ZMIZ1: variants seen among roughly 807,000 people sequenced by gnomAD.
The protein encoded by ZMIZ1 is zinc finger MIZ-type containing 1.
Under a neutral mutation model 113.9 loss-of-function variants are expected in ZMIZ1, and 17 were observed. The ratio of observed to expected loss-of-function variants is 0.15; its 90% confidence interval spans 0.10 to 0.22. The LOEUF is 0.22. Among genes scored for constraint, ZMIZ1 ranks in the 10% least tolerant of loss-of-function variants. The pLI is 1.00. For missense variants in ZMIZ1, 1,059 were observed against 1,477.8 expected, an observed-to-expected ratio of 0.72 and a Z score of 4.65; for synonymous variants, 607 against 603.1, an observed-to-expected ratio of 1.01 and a Z score of -0.09.
intron 7 of ZMIZ1, among the ~76,000 whole-genome samples, chr10:79,242,849 C>T (rs1018555974): frequency 2.0e-5 from 3 of 152,066 alleles, no homozygotes; most frequent in Non-Finnish European, 2.9e-5. Context: ...TGCGTTCGCT[C>T]GGCAGCGGCG....
chr10:79,075,663 C>T (rs1362434383), intron 1 of ZMIZ1, among the ~76,000 whole-genome samples: 1 of 152,182 alleles, frequency 6.6e-6, no homozygotes, highest in Non-Finnish European at 1.5e-5. Context: ...AGGGCTTCTG[C>T]CAGGACTCCG....
chr10:79,145,344 T>TGCCCGCGCGTCAGA (rs11268036), intron 3 of ZMIZ1, among the ~76,000 whole-genome samples: 1 of 151,760 alleles, frequency 6.6e-6, no homozygotes, highest in Non-Finnish European at 1.5e-5. Flanking sequence ...CATTCCGGAG[T>TGCCCGCGCGTCAGA]GCCTGCGAGG....
At chr10:79,085,419 C>T (rs1842780744) in intron 1 of ZMIZ1, among the ~76,000 whole-genome samples, 1 of 152,210 alleles carries the variant, frequency 6.6e-6, no homozygotes, top group African/African-American at 2.4e-5. Flanking sequence ...TGCCATTGGG[C>T]AGAGTGGGCA....
chr10:79,205,132 T>C (rs1025133988), intron 5 of ZMIZ1, among the ~76,000 whole-genome samples: 19 of 152,338 alleles, frequency 1.2e-4, no homozygotes, highest in Non-Finnish European at 1.5e-5. Context: ...TCAATGGCAT[T>C]GGATATAGCC....
chr10:79,178,906 A>C (rs1194863955), intron 4 of ZMIZ1, among the ~76,000 whole-genome samples: 1 of 152,140 alleles, frequency 6.6e-6, no homozygotes, highest in Non-Finnish European at 1.5e-5. Flanking sequence ...TGCTCTCCCA[A>C]GCCAGGGCCG....
intron 18 of ZMIZ1, among the ~76,000 whole-genome samples, chr10:79,303,520 A>G (rs1419569925): frequency 7.7e-6 from 1 of 129,882 alleles, no homozygotes; most frequent in Non-Finnish European, 1.7e-5. Context: ...TTTGAAGGAG[A>G]CTCCGGGTGT....
chr10:79,196,089 AG>A (rs1465226953), intron 4 of ZMIZ1, among the ~76,000 whole-genome samples: 1 of 152,104 alleles, frequency 6.6e-6, no homozygotes, highest in African/African-American at 2.4e-5. Context: ...CTTTTACTCC[AG>A]AGACTGGAGC....
chr10:79,090,538 T>C (rs1301027486), intron 1 of ZMIZ1, among the ~76,000 whole-genome samples: 1 of 152,030 alleles, frequency 6.6e-6, no homozygotes, highest in Non-Finnish European at 1.5e-5. Flanking sequence ...TGGGATCCCG[T>C]TTATTTATTT....
chr10:79,148,938 G>A (rs981336552), intron 3 of ZMIZ1, among the ~76,000 whole-genome samples: 7 of 152,230 alleles, frequency 4.6e-5, no homozygotes, highest in African/African-American at 1.7e-4. Flanking sequence ...CCCCGCCAGG[G>A]CCTGTTTGAT....
chr10:79,251,232 C>G (rs1850538588), intron 7 of ZMIZ1, among the ~76,000 whole-genome samples: 2 of 152,240 alleles, frequency 1.3e-5, no homozygotes, highest in South Asian at 4.1e-4. Context: ...TCTCCACACA[C>G]CGGGACCTCT....
intron 3 of ZMIZ1, among the ~76,000 whole-genome samples, chr10:79,144,460 G>A (rs983987803): frequency 3.3e-5 from 5 of 152,142 alleles, no homozygotes; most frequent in Non-Finnish European, 7.4e-5. Context: ...CTAGGGCCAC[G>A]CAGCAAGTCA....
At chr10:79,074,584 G>GC (rs1309242176) in intron 1 of ZMIZ1, among the ~76,000 whole-genome samples, 1 of 152,206 alleles carries the variant, frequency 6.6e-6, no homozygotes, top group African/African-American at 2.4e-5. Flanking sequence ...GGTGTTTCCA[G>GC]CCCCCCGGGT....
At chr10:79,157,971 C>T (rs1010198504) in intron 3 of ZMIZ1, among the ~76,000 whole-genome samples, 31 of 129,194 alleles carry the variant, frequency 2.4e-4, no homozygotes, top group African/African-American at 7.5e-4. Context: ...ACAGCTCAGG[C>T]GCCTGAGGAT....
intron 4 of ZMIZ1, among the ~76,000 whole-genome samples, chr10:79,184,731 G>A (rs1053615347): frequency 6.6e-6 from 1 of 152,198 alleles, no homozygotes; most frequent in African/African-American, 2.4e-5. Context: ...GTGAATGGAG[G>A]GAGAGATGAG....
Position 79,069,173 on chromosome 10 carries a change from T to TCGGCGCCCTCGCTGCGCTCCTCC in ZMIZ1, c.-429_-407dup, listed in dbSNP as rs1184385345. The TCGGCGCCCTCGCTGCGCTCCTCC allele has an allele frequency of 2.7e-5, 4 of 149,528 alleles. No individual in the cohort carries two copies. Among genetic ancestry groups the TCGGCGCCCTCGCTGCGCTCCTCC allele is most frequent in the African/African-American group, 9.8e-5 (4 of 40,754 alleles). 9.3% of individuals were successfully genotyped at this position (149,528 alleles called of 1,614,324 possible). A position where few individuals can be genotyped will look rare whatever the true frequency, so the allele number is the denominator to read the frequency against. On this transcript the variant is annotated 5_prime_UTR_variant, in exon 1 of 25. Coordinates refer to ENST00000334512, the MANE Select transcript of ZMIZ1 (RefSeq NM_020338.4). This position sits in a 1 kb window ranked among gnomAD's most constrained non-coding sequence, Gnocchi z 4.6. The stretch of plus-strand genomic sequence containing the variant: ...AGCAGGAGCCGGAGCCGAGCGGATC[T>TCGGCGCCCTCGCTGCGCTCCTCC]CGGCGCCCTCGCTGCGCTCCTCCCG...
At chr10:79,278,207 C>A (rs1210269066) in intron 8 of ZMIZ1, among the ~76,000 whole-genome samples, 2 of 152,150 alleles carry the variant, frequency 1.3e-5, no homozygotes, top group African/African-American at 4.8e-5. Flanking sequence ...ATGTCCAGTG[C>A]CCTCCCTGGG....
At chr10:79,156,379 C>T (rs1369097411) in intron 3 of ZMIZ1, among the ~76,000 whole-genome samples, 1 of 152,096 alleles carries the variant, frequency 6.6e-6, no homozygotes. Flanking sequence ...CACATGGAGG[C>T]GTCCTGAGGG....
chr10:79,122,726 C>A (rs564974160), intron 2 of ZMIZ1, among the ~76,000 whole-genome samples: 47 of 152,274 alleles, frequency 3.1e-4, no homozygotes, highest in African/African-American at 1.1e-3. Flanking sequence ...GGCCCTATTC[C>A]CATTTGCTAG....
At chr10:79,208,258 C>A in intron 5 of ZMIZ1, 78 bp from the exon 6 acceptor site, 1 of 1,305,028 alleles carries the variant, frequency 7.7e-7, no homozygotes, top group Middle Eastern at 1.9e-4. Context: ...CTGGGTTCTT[C>A]CCACCCCAGA....
Sources: gnomAD v4.1 joint callset for allele counts (sites outside exome capture counted in the v4.1 genomes callset) on GRCh38, gnomAD v4.1.1 for gene constraint, Gnocchi (gnomAD v3.1) non-coding constraint, MANE v1.5 for transcripts, NCBI Gene and HGNC (gene_info 2026-07-23, HGNC 2026-07-21) for gene names.